Variants in ACSM2B observed in about 807,000 individuals in gnomAD.
ACSM2B encodes the protein acyl-CoA synthetase medium chain family member 2B.
Under a neutral mutation model 78.6 loss-of-function variants are expected in ACSM2B, and 58 were observed. The observed-to-expected ratio is 0.74, with a 90% confidence interval of 0.60 to 0.92. ACSM2B has a LOEUF of 0.92. Ranked by LOEUF, ACSM2B falls within the 40% of genes least tolerant of loss-of-function variation. The pLI, the probability that ACSM2B is intolerant of heterozygous loss-of-function variation, is 0.00. For synonymous variants in ACSM2B, 257 were observed against 256.8 expected, an observed-to-expected ratio of 1.00 and a Z score of -0.01; for missense variants, 688 against 711.2, an observed-to-expected ratio of 0.97 and a Z score of 0.37.
chr16:20,543,338 T>C, intron 10 of ACSM2B, 76 bp from the exon 11 acceptor site: 1 of 1,606,648 alleles, frequency 6.2e-7, no homozygotes, highest in Non-Finnish European at 8.5e-7. Flanking sequence ...CATGAACAAA[T>C]GCTATGAGTC....
intron 2 of ACSM2B, among the ~76,000 whole-genome samples, chr16:20,562,373 A>G (rs2015688258): frequency 6.6e-6 from 1 of 152,154 alleles, no homozygotes; most frequent in Non-Finnish European, 1.5e-5. Context: ...AAGACAAAAC[A>G]TGTTAGCAAT....
At position 20,551,099 on chromosome 16, in the gene ACSM2B, A is replaced by G. The variant is rs1240130199; in HGVS notation, c.894+1045T>C. Among the ~76,000 whole-genome samples the G allele has an allele frequency of 2.0e-5, 3 of 152,224 alleles. No homozygotes were observed. The East Asian group carries it at 5.8e-4, about 29-fold the overall frequency. On this transcript the variant is annotated intron_variant, in intron 6 of 13. Transcript: ENST00000329697. ...AGAAGCCAAATGAAAAAGATTATATATAATGTTGTTCCATTTACATGAAAT... is the reference window on the plus strand; with the variant it reads ...AGAAGCCAAATGAAAAAGATTATATGTAATGTTGTTCCATTTACATGAAAT...
intron 2 of ACSM2B, among the ~76,000 whole-genome samples, chr16:20,562,342 G>A (rs2015687225): frequency 1.3e-5 from 2 of 152,216 alleles, no homozygotes; most frequent in East Asian, 3.9e-4. Context: ...ATCATAGTTT[G>A]AGAGTAATGA....
chr16:20,552,010 G>T (rs12600244), intron 6 of ACSM2B, 134 bp downstream of exon 6: 39 of 1,434,192 alleles, frequency 2.7e-5, no homozygotes, highest in Non-Finnish European at 3.5e-5. Flanking sequence ...TTTCCATCTC[G>T]TTTACTGAAC....
chr16:20,563,556 A>T (rs1257430751), intron 2 of ACSM2B, among the ~76,000 whole-genome samples: 4 of 151,996 alleles, frequency 2.6e-5, no homozygotes, highest in Admixed American at 2.6e-4. Context: ...TGAATATTTA[A>T]AGGGCCTTCC....
chr16:20,548,880 G>A (rs1463867042), intron 6 of ACSM2B, among the ~76,000 whole-genome samples: 10 of 152,214 alleles, frequency 6.6e-5, no homozygotes, highest in South Asian at 2.1e-4. Flanking sequence ...CTTTATAATA[G>A]ATTGTTTCCA....
chr16:20,546,386 G>C lies in ACSM2B; in HGVS notation c.1179+8C>G, dbSNP rs369446216. 3 of 1,593,232 alleles carry C rather than the reference G, an allele frequency of 1.9e-6. No individual in the cohort carries two copies. Among genetic ancestry groups the C allele is most frequent in the East Asian group, 2.2e-5 (1 of 44,618 alleles). On this transcript the variant is annotated splice_region_variant and intron_variant, in intron 9 of 13. Coordinates refer to ENST00000329697, the MANE Select transcript of ACSM2B (RefSeq NM_001105069.2). The stretch of plus-strand genomic sequence containing the variant: ...TAACTTCCTCCCTCCTCAGTGTCCC[G>C]AGCAAACCTGTACATCATAACAGGA...
chr16:20,537,603 C>T (rs1256123860), intron 13 of ACSM2B, among the ~76,000 whole-genome samples: 1 of 152,192 alleles, frequency 6.6e-6, no homozygotes, highest in Admixed American at 6.5e-5. Context: ...AACAGACACA[C>T]ATGGCACAAC....
chr16:20,554,310 C>T (rs1011783203), intron 4 of ACSM2B: 2 of 374,598 alleles, frequency 5.3e-6, no homozygotes, highest in African/African-American at 2.1e-5. Flanking sequence ...TGGCATGACA[C>T]CAAGTGGACA....
Position 20,559,768 on chromosome 16 carries a change from A to T in ACSM2B, c.178-321T>A, listed in dbSNP as rs1174535359. 2.6e-5 allele frequency among the ~76,000 whole-genome samples: 4 copies of T among 150,988 alleles called. 1 individual carries two copies. Among genetic ancestry groups the T allele is most frequent in the Non-Finnish European group, 2.9e-5 (2 of 67,996 alleles). Reference sequence around the variant, plus strand: ...TACTTTTCAAAATGAAAAAATAATGAGGAAAGTGGCATTATTTTATTTATT... The same window carrying T: ...TACTTTTCAAAATGAAAAAATAATGTGGAAAGTGGCATTATTTTATTTATT... On this transcript the variant is annotated intron_variant, in intron 2 of 13. Transcript: ENST00000329697.
At chr16:20,574,093 G>A (rs888354110) in intron 1 of ACSM2B, 4 of 152,138 alleles carry the variant, frequency 2.6e-5, no homozygotes, top group Non-Finnish European at 5.9e-5. Flanking sequence ...CTCCCAGAGC[G>A]GCCATCTATA....
At chr16:20,540,900 G>A (rs2014970718) in intron 12 of ACSM2B, 127 bp from the exon 13 acceptor site, 2 of 1,391,934 alleles carry the variant, frequency 1.4e-6, no homozygotes, top group Non-Finnish European at 9.6e-7. Context: ...CGGTGATCCA[G>A]GTCAAGGGAA....
At chr16:20,564,377 C>T (rs1297296019) in intron 2 of ACSM2B, among the ~76,000 whole-genome samples, 3 of 152,042 alleles carry the variant, frequency 2.0e-5, no homozygotes, top group Admixed American at 6.6e-5. Flanking sequence ...GTCCTCATTT[C>T]ACCCTGGGAG....
At chr16:20,574,593 ATGT>A (rs1290981760) in intron 1 of ACSM2B, 1 of 151,334 alleles carries the variant, frequency 6.6e-6, no homozygotes, top group Non-Finnish European at 1.5e-5. Context: ...TTCACAATTT[ATGT>A]TCTTCTGCCT....
At position 20,544,559 on chromosome 16, in the gene ACSM2B, A is replaced by T. The variant is rs1457966128; in HGVS notation, c.1281+598T>A. On this transcript the variant is annotated intron_variant, in intron 10 of 13. Transcript: ENST00000329697. ...TGATTTATTATTTATTTAGTTTATT[A>T]GTCAATTATCTCAGGGATCAGAAGG... The T allele has an allele frequency of 5.1e-6, 5 of 981,618 alleles. No homozygotes were observed. In the East Asian group the frequency reaches 5.7e-4, roughly 112 times the overall value. The allele number at this position is 981,618 out of a possible 1,614,324, so 60.8% of individuals were successfully genotyped here.
At chr16:20,574,022 G>A (rs2016172923) in intron 1 of ACSM2B, 1 of 152,036 alleles carries the variant, frequency 6.6e-6, no homozygotes, top group Non-Finnish European at 1.5e-5. Context: ...TAGTAAGCCT[G>A]AGGGTACTGC....
chr16:20,574,106 C>T (rs939919845), intron 1 of ACSM2B: 7 of 152,276 alleles, frequency 4.6e-5, no homozygotes, highest in Admixed American at 1.3e-4. Flanking sequence ...CATCTATAGA[C>T]CTACCCCCAG....
At position 20,567,657 on chromosome 16, in the gene ACSM2B, A is replaced by G. The variant is rs1488258506; in HGVS notation, c.-8-2804T>C. Among the ~76,000 whole-genome samples the G allele has an allele frequency of 2.2e-5, 3 of 137,672 alleles. No individual in the cohort carries two copies. In the Admixed American group the frequency reaches 2.4e-4, roughly 11 times the overall value. 90.3% of individuals were successfully genotyped at this position (137,672 alleles called of 152,430 possible). A position where few individuals can be genotyped will look rare whatever the true frequency, so the allele number is the denominator to read the frequency against. On this transcript the variant is annotated intron_variant, in intron 1 of 13. Coordinates refer to ENST00000329697, the MANE Select transcript of ACSM2B (RefSeq NM_001105069.2). Reference sequence around the variant, plus strand: ...ATATCTATATATACTATGCTATTATATATATACTATACTATTATATATATC... The same window carrying G: ...ATATCTATATATACTATGCTATTATGTATATACTATACTATTATATATATC...
At chr16:20,552,529 G>C (rs1193612307) in intron 5 of ACSM2B, among the ~76,000 whole-genome samples, 1 of 152,118 alleles carries the variant, frequency 6.6e-6, no homozygotes, top group Non-Finnish European at 1.5e-5. Flanking sequence ...GACCCCAGTT[G>C]ACATGACTTA....
Sources: gnomAD v4.1 joint callset for allele counts (sites outside exome capture counted in the v4.1 genomes callset) on GRCh38, gnomAD v4.1.1 for gene constraint, MANE v1.5 for transcripts, NCBI Gene and HGNC (gene_info 2026-07-23, HGNC 2026-07-21) for gene names.